ARPP21: variants seen among roughly 807,000 people sequenced by gnomAD.
ARPP21 encodes cAMP-regulated phosphoprotein 21.
A neutral mutation model predicts 113.2 loss-of-function variants in ARPP21; 69 were observed. That is an observed-to-expected ratio of 0.61 (90% CI 0.50 to 0.74). The LOEUF is 0.74. Among genes scored for constraint, ARPP21 ranks in the 30% least tolerant of loss-of-function variants. ARPP21 has a pLI of 0.00. For synonymous variants in ARPP21, 368 were observed against 375.5 expected, an observed-to-expected ratio of 0.98 and a Z score of 0.23; for missense variants, 1,070 against 1,037.4, an observed-to-expected ratio of 1.03 and a Z score of -0.43.
At chr3:35,653,463 C>T (rs190711144) in intron 1 of ARPP21, among the ~76,000 whole-genome samples, 306 of 152,056 alleles carry the variant, frequency 2.0e-3, no homozygotes, top group African/African-American at 7.1e-3. Context: ...TTGAAACTGC[C>T]GCAAAGTACA....
intron 19 of ARPP21, among the ~76,000 whole-genome samples, chr3:35,760,972 C>CT (rs1429973632): frequency 6.6e-6 from 1 of 152,048 alleles, no homozygotes; most frequent in Admixed American, 6.6e-5. Context: ...TTCAAAAGCA[C>CT]TTTTTTTCCC....
intron 1 of ARPP21, among the ~76,000 whole-genome samples, chr3:35,645,998 T>C (rs538107433): frequency 1.2e-4 from 19 of 152,134 alleles, no homozygotes; most frequent in Admixed American, 1.2e-3. Flanking sequence ...TATGGTCCTA[T>C]GAATTGTGAT....
intron 1 of ARPP21, among the ~76,000 whole-genome samples, chr3:35,648,479 G>A (rs1177774145): frequency 6.6e-6 from 1 of 152,174 alleles, no homozygotes; most frequent in African/African-American, 2.4e-5. Flanking sequence ...CAAAGCAAAT[G>A]GAGCTTTGGC....
At position 35,793,882 on chromosome 3, in the gene ARPP21, C is replaced by A; in HGVS notation, c.2468C>A (p.Thr823Asn). 1 of 1,614,142 alleles carries A rather than the reference C, an allele frequency of 6.2e-7. No homozygotes were observed. The highest frequency in any genetic ancestry group is 8.5e-7 in the Non-Finnish European group (1 of 1,179,968). The change falls in exon 21 of 21, where the codon ACT becomes AAT. Residue 823 changes from threonine to asparagine, a missense_variant. Coordinates refer to ENST00000684406, the MANE Select transcript of ARPP21 (RefSeq NM_001385562.1). ...RLIGPHCPSS[T>N]VPVMSASCRT... ...ATTGGCCCACACTGCCCCTCCAGCA[C>A]TGTCCCAGTGATGTCAGCTAGCTGC...
intron 9 of ARPP21, among the ~76,000 whole-genome samples, chr3:35,703,679 T>A (rs1487380181): frequency 2.0e-5 from 3 of 151,852 alleles, no homozygotes; most frequent in Non-Finnish European, 1.5e-5. Flanking sequence ...TGCAGGGCTG[T>A]AAAATATATA....
At chr3:35,682,779 G>C in intron 3 of ARPP21, 69 bp from the exon 4 acceptor site, 3 of 1,378,674 alleles carry the variant, frequency 2.2e-6, no homozygotes, top group Non-Finnish European at 3.0e-6. Context: ...TCTCTCTCTC[G>C]GTTGTTGATT....
chr3:35,742,287 A>C (rs1184775662), intron 18 of ARPP21, among the ~76,000 whole-genome samples: 1 of 152,224 alleles, frequency 6.6e-6, no homozygotes, highest in East Asian at 1.9e-4. Context: ...AAATTAGATG[A>C]AAGTTGTTCC....
intron 1 of ARPP21, among the ~76,000 whole-genome samples, chr3:35,646,261 T>A (rs1482091218): frequency 6.6e-6 from 1 of 152,148 alleles, no homozygotes; most frequent in Non-Finnish European, 1.5e-5. Flanking sequence ...GCTTTTTGTA[T>A]GTTTCTAAAA....
At chr3:35,725,683 T>G (rs904073956) in intron 14 of ARPP21, among the ~76,000 whole-genome samples, 2 of 152,226 alleles carry the variant, frequency 1.3e-5, no homozygotes, top group African/African-American at 4.8e-5. Context: ...TTTTGACTTG[T>G]GATCTCTTTT....
chr3:35,667,913 G>GAAGAA (rs1252841641), intron 1 of ARPP21, among the ~76,000 whole-genome samples: 1 of 46,858 alleles, frequency 2.1e-5, no homozygotes, highest in Non-Finnish European at 4.2e-5. Context: ...GGAAGAGGAA[G>GAAGAA]GAGGAGGAGG....
At chr3:35,738,636 C>G (rs534195504) in intron 17 of ARPP21, among the ~76,000 whole-genome samples, 2 of 152,080 alleles carry the variant, frequency 1.3e-5, no homozygotes, top group Non-Finnish European at 2.9e-5. Flanking sequence ...CATGAGGGTT[C>G]GGGAAAGATC....
rs1210800636 is a variant in ARPP21 at position 35,770,920 on chromosome 3, G to A, written c.2138-21462G>A. On this transcript the variant is annotated intron_variant, in intron 19 of 20. Coordinates refer to ENST00000684406, the MANE Select transcript of ARPP21 (RefSeq NM_001385562.1). ...ATTACTAGTCAATAAGGAGGATCCA[G>A]GATTTTCAAAGTAAAGCAGGACAAT... is the stretch of plus-strand genomic sequence containing the variant. 2.0e-5 allele frequency among the ~76,000 whole-genome samples: 3 copies of A among 152,120 alleles called. No individual in the cohort carries two copies. The East Asian group carries it at 5.8e-4, about 29-fold the overall frequency.
chr3:35,747,982 G>A (rs775482656), intron 19 of ARPP21, among the ~76,000 whole-genome samples: 6 of 142,552 alleles, frequency 4.2e-5, no homozygotes, highest in African/African-American at 7.8e-5. Flanking sequence ...AGAGAGGGAG[G>A]GAAGGAGGAA....
intron 1 of ARPP21, among the ~76,000 whole-genome samples, chr3:35,653,434 A>C (rs1382140652): frequency 6.6e-5 from 10 of 152,066 alleles, no homozygotes. Context: ...ATGACAAAGA[A>C]GGCCATGGAA....
At chr3:35,744,021 TC>T in intron 19 of ARPP21, 56 bp downstream of exon 19, 2 of 1,593,908 alleles carry the variant, frequency 1.3e-6, no homozygotes, top group Non-Finnish European at 1.7e-6. Flanking sequence ...TGCTGGTGAA[TC>T]TTGTACTCTT....
In ARPP21 at chr3:35,770,716, A is replaced by C. The variant is rs146980838; in HGVS notation, c.2138-21666A>C. Among the ~76,000 whole-genome samples the C allele has an allele frequency of 4.2e-3, 644 of 152,336 alleles. 4 individuals are homozygous for C. The highest frequency in any genetic ancestry group is 7.8e-3 in the Non-Finnish European group (530 of 68,024). On this transcript the variant is annotated intron_variant, in intron 19 of 20. Coordinates refer to ENST00000684406, the MANE Select transcript of ARPP21 (RefSeq NM_001385562.1). ...AGCCTGCCAGAAGAATTAAACATAAAATGCTTAAATTGTAAACAGTAGCCT... is the reference window on the plus strand; with the variant it reads ...AGCCTGCCAGAAGAATTAAACATAACATGCTTAAATTGTAAACAGTAGCCT...
At chr3:35,749,435 A>AAG (rs1464170953) in intron 19 of ARPP21, among the ~76,000 whole-genome samples, 2 of 149,956 alleles carry the variant, frequency 1.3e-5, no homozygotes, top group African/African-American at 4.9e-5. Flanking sequence ...TAAAAGCAAA[A>AAG]AAAAAAAAAA....
intron 3 of ARPP21, chr3:35,682,385 G>A (rs1462981624): frequency 6.3e-6 from 1 of 159,604 alleles, no homozygotes; most frequent in Non-Finnish European, 1.4e-5. Flanking sequence ...AAAAGACTGG[G>A]AGTGATTAAA....
intron 1 of ARPP21, among the ~76,000 whole-genome samples, chr3:35,678,525 AT>A (rs1165643470): frequency 6.6e-6 from 1 of 151,966 alleles, no homozygotes; most frequent in African/African-American, 2.4e-5. Context: ...TCCTAAATGC[AT>A]GTCTAGCTCT....
Sources: gnomAD v4.1 joint callset for allele counts (sites outside exome capture counted in the v4.1 genomes callset) on GRCh38, gnomAD v4.1.1 for gene constraint, MANE v1.5 for transcripts, NCBI Gene and HGNC (gene_info 2026-07-23, HGNC 2026-07-21) for gene names.